Variants in TLN2 observed in about 807,000 individuals in gnomAD.
TLN2 encodes the protein talin 2.
A neutral mutation model predicts 294.7 loss-of-function variants in TLN2; 118 were observed. That is an observed-to-expected ratio of 0.40 (90% confidence interval 0.34 to 0.47). The LOEUF (loss-of-function observed/expected upper bound fraction) is 0.47. Ranked by LOEUF, TLN2 falls within the 20% of genes least tolerant of loss-of-function variation. TLN2 has a pLI of 0.84. For missense variants in TLN2, 3,083 were observed against 3,282.2 expected (o/e 0.94, Z 1.48); for synonymous variants, 1,431 against 1,304.5 (o/e 1.10, Z -2.09).
At chr15:62,480,504 C>T (rs1017574927) in intron 1 of TLN2, among the ~76,000 whole-genome samples, 6 of 152,096 alleles carry the variant, frequency 3.9e-5, no homozygotes, top group Admixed American at 3.9e-4. Flanking sequence ...GGATTACAGG[C>T]GTGAGCCACG....
chr15:62,687,660 A>G (rs2057396685), intron 12 of TLN2, among the ~76,000 whole-genome samples: 1 of 152,220 alleles, frequency 6.6e-6, no homozygotes, highest in Admixed American at 6.5e-5. Flanking sequence ...TCTCTAGTGA[A>G]TGCTTGAAAT....
intron 1 of TLN2, among the ~76,000 whole-genome samples, chr15:62,534,367 G>A (rs996231387): frequency 6.6e-6 from 1 of 152,308 alleles, no homozygotes; most frequent in East Asian, 1.9e-4. Context: ...ATATGCTGGG[G>A]GTTCCCATGA....
intron 52 of TLN2, among the ~76,000 whole-genome samples, chr15:62,814,384 C>T (rs983379381): frequency 6.6e-6 from 1 of 152,116 alleles, no homozygotes; most frequent in African/African-American, 2.4e-5. Context: ...ATGGCCCTTG[C>T]CTTCAAGTAG....
chr15:62,791,966 C>A (rs1431908965), intron 45 of TLN2, among the ~76,000 whole-genome samples: 1 of 152,170 alleles, frequency 6.6e-6, no homozygotes, highest in Non-Finnish European at 1.5e-5. Flanking sequence ...AATCACACAA[C>A]CCAGGAGTTA....
chr15:62,731,092 G>T (rs896262604), intron 28 of TLN2, among the ~76,000 whole-genome samples: 1 of 152,098 alleles, frequency 6.6e-6, no homozygotes, highest in African/African-American at 2.4e-5. Context: ...CTTCAGTTGA[G>T]ATTTTAATTG....
Position 62,740,695 on chromosome 15 carries a change from G to C in TLN2, c.3951G>C (p.Leu1317=). ...ATATCTCGATGGCATCCAGCAAGCT[G>C]CTGTTAGCTGCCAAGTCTCTCTCTG... is the stretch of plus-strand genomic sequence containing the variant. ...LKNISMASSK[L]LLAAKSLSVD... Residue 1317 remains leucine, a synonymous_variant, in exon 32 of 59, where the codon CTG becomes CTC. Transcript: ENST00000636159. The C allele has an allele frequency of 5.6e-6, 9 of 1,614,222 alleles. No individual in the cohort carries two copies. Among genetic ancestry groups the C allele is most frequent in the Non-Finnish European group, 7.6e-6 (9 of 1,180,050 alleles).
intron 1 of TLN2, among the ~76,000 whole-genome samples, chr15:62,408,859 T>G (rs1325950767): frequency 6.6e-6 from 1 of 152,186 alleles, no homozygotes; most frequent in Admixed American, 6.5e-5. Flanking sequence ...TAGGTCTTGC[T>G]TTGTTGCCCA....
chr15:62,614,930 C>T (rs1385431680), intron 2 of TLN2, among the ~76,000 whole-genome samples: 6 of 152,074 alleles, frequency 3.9e-5, no homozygotes, highest in African/African-American at 1.2e-4. Flanking sequence ...CTCAGCCTCC[C>T]GAGTTGCTGG....
At chr15:62,763,223 CTT>C (rs77149979) in intron 39 of TLN2, 717 of 126,530 alleles carry the variant, frequency 5.7e-3, no homozygotes, top group African/African-American at 0.016. Context: ...TTTTTTTTTT[CTT>C]TTTTTTTTTT....
chr15:62,608,976 C>A (rs1457002792), intron 2 of TLN2, among the ~76,000 whole-genome samples: 1 of 151,848 alleles, frequency 6.6e-6, no homozygotes, highest in Non-Finnish European at 1.5e-5. Flanking sequence ...TAGAGAATTC[C>A]CGTAGGCATT....
Position 62,664,525 on chromosome 15 carries a change from A to C in TLN2, c.788+6627A>C, listed in dbSNP as rs1403205720. Among the ~76,000 whole-genome samples the C allele has an allele frequency of 2.6e-5, 4 of 152,142 alleles. 1 individual carries two copies. The highest frequency in any genetic ancestry group is 9.7e-5 in the African/African-American group (4 of 41,392). Reference sequence around the variant, plus strand: ...TGTATTATTCTTTATAGACACAAGGAGATACAGGAAGATATTAAAATATCT... The same window carrying C: ...TGTATTATTCTTTATAGACACAAGGCGATACAGGAAGATATTAAAATATCT... On this transcript the variant is annotated intron_variant, in intron 9 of 58. Transcript: ENST00000636159.
At chr15:62,391,969 G>A (rs2032129341) in intron 1 of TLN2, among the ~76,000 whole-genome samples, 1 of 152,268 alleles carries the variant, frequency 6.6e-6, no homozygotes. Flanking sequence ...GGTGCTCCGA[G>A]GGGCGCAGTA....
At chr15:62,703,775 T>A (rs2058882595) in intron 19 of TLN2, among the ~76,000 whole-genome samples, 1 of 152,124 alleles carries the variant, frequency 6.6e-6, no homozygotes, top group South Asian at 2.1e-4. Flanking sequence ...CAGGGACCTG[T>A]GGTGCTTGCC....
At chr15:62,711,574 A>G (rs181742491) in intron 21 of TLN2, among the ~76,000 whole-genome samples, 11 of 152,338 alleles carry the variant, frequency 7.2e-5, no homozygotes, top group Non-Finnish European at 1.0e-4. Context: ...GAAGAAAGCA[A>G]TGTTTTCTAA....
intron 12 of TLN2, among the ~76,000 whole-genome samples, chr15:62,688,716 A>G (rs951240361): frequency 4.6e-5 from 7 of 152,138 alleles, no homozygotes; most frequent in Admixed American, 1.3e-4. Flanking sequence ...AGATTCCTCT[A>G]TCTTAACAGA....
intron 1 of TLN2, among the ~76,000 whole-genome samples, chr15:62,411,687 G>T (rs911541377): frequency 6.6e-6 from 1 of 152,112 alleles, no homozygotes; most frequent in East Asian, 1.9e-4. Flanking sequence ...GATGCCTTTA[G>T]TCTTCTCTCC....
chr15:62,752,663 T>G (rs2062001937), intron 35 of TLN2, among the ~76,000 whole-genome samples: 1 of 152,196 alleles, frequency 6.6e-6, no homozygotes, highest in Admixed American at 6.5e-5. Context: ...ACCCAGCATA[T>G]AGGTTCAGAG....
At chr15:62,433,235 C>G (rs2035106940) in intron 1 of TLN2, among the ~76,000 whole-genome samples, 2 of 152,068 alleles carry the variant, frequency 1.3e-5, no homozygotes, top group African/African-American at 2.4e-5. Flanking sequence ...CTGTTGCTGG[C>G]CACAGGGACC....
At chr15:62,666,507 C>A (rs1295088974) in intron 9 of TLN2, among the ~76,000 whole-genome samples, 1 of 152,144 alleles carries the variant, frequency 6.6e-6, no homozygotes, top group Non-Finnish European at 1.5e-5. Context: ...GCCTCCAGAA[C>A]TGTGCAGAAA....
Sources: allele counts gnomAD v4.1 joint callset (sites outside exome capture counted in the v4.1 genomes callset), GRCh38; gene constraint gnomAD v4.1.1; transcripts MANE v1.5; gene names NCBI Gene and HGNC (gene_info 2026-07-23, HGNC 2026-07-21).